ZNF850: variants seen among roughly 807,000 people sequenced by gnomAD.
The protein encoded by ZNF850 is zinc finger protein 850, also known as putative zinc finger protein ENSP00000330994.
Under a neutral mutation model 11.9 loss-of-function variants are expected in ZNF850, and 2 were observed. That is an observed-to-expected ratio of 0.17 (90% confidence interval 0.07 to 0.53). The LOEUF (loss-of-function observed/expected upper bound fraction) is 0.53. Ranked by LOEUF, ZNF850 falls within the 20% of genes least tolerant of loss-of-function variation. The pLI is 0.94. For synonymous variants in ZNF850, 381 were observed against 443.0 expected (o/e 0.86, Z 1.76); for missense variants, 1,014 against 1,316.4 (o/e 0.77, Z 3.55).
chr19:36,766,744 T>C (rs1422820447), intron 1 of ZNF850, among the ~76,000 whole-genome samples: 5 of 152,226 alleles, frequency 3.3e-5, no homozygotes, highest in Non-Finnish European at 7.3e-5. Context: ...TCTATTTGAA[T>C]GTGGTCAACC....
chr19:36,750,830 CAT>C, intron 4 of ZNF850, 26 bp from the exon 5 acceptor site: 1 of 1,472,130 alleles, frequency 6.8e-7, no homozygotes, highest in Non-Finnish European at 8.9e-7. Flanking sequence ...AAAGCAAAAA[CAT>C]AGCATTTCCT....
At chr19:36,766,095 T>C (rs769069249) in intron 1 of ZNF850, among the ~76,000 whole-genome samples, 7 of 151,584 alleles carry the variant, frequency 4.6e-5, no homozygotes, top group Non-Finnish European at 1.0e-4. Context: ...TTTCACCATG[T>C]TGGCCAGGCT....
chr19:36,764,280 G>A (rs1195774934), intron 1 of ZNF850, among the ~76,000 whole-genome samples: 3 of 152,122 alleles, frequency 2.0e-5, no homozygotes, highest in South Asian at 2.1e-4. Context: ...ACAAAAGTGA[G>A]TATCATGGTA....
rs911439513 is a variant in ZNF850 at position 36,747,218 on chromosome 19, A to G, written c.*549T>C. On this transcript the variant is annotated 3_prime_UTR_variant, in exon 5 of 5. Coordinates refer to ENST00000591344, the MANE Select transcript of ZNF850 (RefSeq NM_001193552.2). Reference sequence around the variant, plus strand: ...GCCATCAACATTTTATCAATTAGTAATTTTGGCACAGAGAATTTACATAAC... The same window carrying G: ...GCCATCAACATTTTATCAATTAGTAGTTTTGGCACAGAGAATTTACATAAC... 2.6e-5 allele frequency: 4 copies of G among 152,868 alleles called. No individual in the cohort carries two copies. Among genetic ancestry groups the G allele is most frequent in the Non-Finnish European group, 4.4e-5 (3 of 68,560 alleles). 9.5% of individuals were successfully genotyped at this position (152,868 alleles called of 1,614,324 possible).
chr19:36,771,519 C>G lies in ZNF850; in HGVS notation c.-70+1206G>C, dbSNP rs547974969. Among the ~76,000 whole-genome samples the G allele has an allele frequency of 4.9e-4, 70 of 143,208 alleles. 5 individuals are homozygous for G. Among genetic ancestry groups the G allele is most frequent in the African/African-American group, 1.9e-3 (69 of 37,140 alleles). 94.0% of individuals were successfully genotyped at this position (143,208 alleles called of 152,430 possible). A position where few individuals can be genotyped will look rare whatever the true frequency, so the allele number is the denominator to read the frequency against. On this transcript the variant is annotated intron_variant, in intron 1 of 4. Transcript: ENST00000591344. ...ATTAGGGGCTGAAGTGAAAGTTTGGCCCGGGACCAATCAGGAGCTGAAGTG... is the reference window on the plus strand; with the variant it reads ...ATTAGGGGCTGAAGTGAAAGTTTGGGCCGGGACCAATCAGGAGCTGAAGTG...
chr19:36,749,959 C>A lies in ZNF850; in HGVS notation c.1081G>T (p.Gly361Cys), dbSNP rs1487847151. 1 of 1,568,328 alleles carries A rather than the reference C, an allele frequency of 6.4e-7. No homozygotes were observed. Among genetic ancestry groups the A allele is most frequent in the African/African-American group, 1.4e-5 (1 of 73,610 alleles). Residue 361 changes from glycine (G) to cysteine (C), a missense_variant, in exon 5 of 5, where the codon GGT becomes TGT. Transcript: ENST00000591344. ...TCCTTACAGTCATAGGGTTTCTCAC[C>A]AGTGTGAATTCGCTGATGTCGAATT... ...ALIRHQRIHTGEKPYDCKECG... is the reference protein window; with the variant it reads ...ALIRHQRIHTCEKPYDCKECG...
At chr19:36,753,567 T>A (rs1268211309) in intron 4 of ZNF850, among the ~76,000 whole-genome samples, 1 of 151,528 alleles carries the variant, frequency 6.6e-6, no homozygotes, top group Non-Finnish European at 1.5e-5. Flanking sequence ...CACTCCAGCC[T>A]GGGTGACCAC....
intron 1 of ZNF850, among the ~76,000 whole-genome samples, chr19:36,767,971 A>G (rs1015240386): frequency 6.6e-6 from 1 of 152,184 alleles, no homozygotes; most frequent in Non-Finnish European, 1.5e-5. Context: ...TATCAAGACT[A>G]TAATAGTGGC....
chr19:36,755,906 CTTT>C (rs5827965), intron 4 of ZNF850, among the ~76,000 whole-genome samples: 25,585 of 117,280 alleles, frequency 0.22, 1,312 homozygotes, highest in South Asian at 0.32. Flanking sequence ...AGTTTTTAGC[CTTT>C]TTTTTTTTTT....
intron 1 of ZNF850, among the ~76,000 whole-genome samples, chr19:36,768,576 A>G (rs2040562045): frequency 6.6e-6 from 1 of 152,166 alleles, no homozygotes; most frequent in South Asian, 2.1e-4. Flanking sequence ...TTTCATCTCA[A>G]GTATATTGTA....
At chr19:36,757,752 C>T (rs1208201347) in intron 4 of ZNF850, among the ~76,000 whole-genome samples, 2 of 152,064 alleles carry the variant, frequency 1.3e-5, no homozygotes, top group Admixed American at 1.3e-4. Context: ...CAGACCACTC[C>T]TGACCTCAAG....
intron 4 of ZNF850, among the ~76,000 whole-genome samples, chr19:36,756,967 G>C (rs1024405774): frequency 6.6e-6 from 1 of 152,166 alleles, no homozygotes; most frequent in Non-Finnish European, 1.5e-5. Context: ...TCCAGGAAAT[G>C]TGTTTCTGTA....
intron 1 of ZNF850, 102 bp from the exon 2 acceptor site, chr19:36,762,777 T>G (rs2040526957): frequency 1.5e-6 from 1 of 662,968 alleles, no homozygotes; most frequent in South Asian, 2.0e-5. Flanking sequence ...TGAAAGAATA[T>G]TACAGTAAAC....
At position 36,744,283 on chromosome 19, in the gene ZNF850, T is replaced by C. The variant is rs996477396; in HGVS notation, c.*3484A>G. On this transcript the variant is annotated 3_prime_UTR_variant, in exon 5 of 5. Transcript: ENST00000591344. ...GTGCTTTTCTCTGCTCTTTAAAAAA[T>C]TCTACTTTTTTCATAAAAAGAGTTA... 1.2e-4 allele frequency: 18 copies of C among 152,128 alleles called. No individual in the cohort carries two copies. The highest frequency in any genetic ancestry group is 2.2e-4 in the Non-Finnish European group (15 of 68,026). 9.4% of individuals were successfully genotyped at this position (152,128 alleles called of 1,614,324 possible).
intron 1 of ZNF850, among the ~76,000 whole-genome samples, chr19:36,770,550 A>T (rs2040574613): frequency 2.6e-5 from 4 of 151,670 alleles, no homozygotes; most frequent in African/African-American, 9.7e-5. Context: ...AAAAACAAAT[A>T]CAAAAATTAG....
chr19:36,748,291 G>C lies in ZNF850; in HGVS notation c.2749C>G (p.Arg917Gly). 6.4e-7 allele frequency: 1 copy of C among 1,569,092 alleles called. No homozygotes were observed. Among genetic ancestry groups the C allele is most frequent in the Non-Finnish European group, 8.6e-7 (1 of 1,161,012 alleles). Residue 917 changes from arginine (R) to glycine (G), a missense_variant, in exon 5 of 5, where the codon CGA (arginine) becomes GGA (glycine). Physicochemically the swap from Arg to Gly is moderately radical, Grantham distance 125 (BLOSUM62 -2). Coordinates refer to ENST00000591344, the MANE Select transcript of ZNF850 (RefSeq NM_001193552.2). ...RRRSKLTQHQ[R>G]IHTGEKPYRC... ...TAAGGTTTCTCACCAGTATGGATTC[G>C]TTGATGTTGAGTAAGTTTTGAACGA...
chr19:36,748,348 C>A lies in ZNF850; in HGVS notation c.2692G>T (p.Asp898Tyr). The part of the protein sequence containing the change: ...RRIHTGEKPY[D>Y]CKECGKAFRR... ...AAGGCCTTGCCACATTCCTTACAAT[C>A]ATAGGGTTTCTCACCAGTGTGAATT... The change falls in exon 5 of 5, where the codon GAT becomes TAT. Residue 898 changes from aspartate (D) to tyrosine (Y), a missense_variant. Coordinates refer to ENST00000591344, the MANE Select transcript of ZNF850 (RefSeq NM_001193552.2). The A allele has an allele frequency of 6.3e-7, 1 of 1,593,492 alleles. No individual in the cohort carries two copies. Among genetic ancestry groups the A allele is most frequent in the South Asian group, 1.1e-5 (1 of 88,922 alleles).
intron 4 of ZNF850, among the ~76,000 whole-genome samples, chr19:36,754,894 G>A (rs1056160590): frequency 6.6e-6 from 1 of 152,088 alleles, no homozygotes; most frequent in African/African-American, 2.4e-5. Context: ...TAATAACTGA[G>A]AGGTCAAGCA....
chr19:36,757,009 G>A (rs748116808), intron 4 of ZNF850, among the ~76,000 whole-genome samples: 3 of 152,126 alleles, frequency 2.0e-5, no homozygotes, highest in Non-Finnish European at 4.4e-5. Context: ...TTTTATTTCT[G>A]TAGCAGACAG....
Sources: gnomAD v4.1 joint callset for allele counts (sites outside exome capture counted in the v4.1 genomes callset) on GRCh38, gnomAD v4.1.1 for gene constraint, MANE v1.5 for transcripts, NCBI Gene and HGNC (gene_info 2026-07-23, HGNC 2026-07-21) for gene names.